Variants in ARL15 observed in about 807,000 individuals in gnomAD.
The protein encoded by ARL15 is ADP-ribosylation factor-like protein 15.
ARL15 carries 19 observed loss-of-function variants against 25.2 expected under a neutral mutation model. The ratio of observed to expected loss-of-function variants is 0.75; its 90% CI spans 0.53 to 1.10. The LOEUF (loss-of-function observed/expected upper bound fraction) is 1.10, where lower values mean the gene tolerates loss of function less well. Among genes scored for constraint, ARL15 ranks in the 50% least tolerant of loss-of-function variants. The pLI, the probability that ARL15 is intolerant of heterozygous loss-of-function variation, is 0.00. For missense variants in ARL15, 220 were observed against 246.0 expected (o/e 0.89, Z 0.71); for synonymous variants, 94 against 86.8 (o/e 1.08, Z -0.46).
intron 1 of ARL15, among the ~76,000 whole-genome samples, chr5:54,183,823 C>A (rs960738103): frequency 7.3e-5 from 11 of 151,312 alleles, no homozygotes; most frequent in Non-Finnish European, 1.6e-4. Context: ...CGGCATTATT[C>A]ACAATAGCAA....
chr5:54,197,831 G>A (rs1755595870), intron 1 of ARL15, among the ~76,000 whole-genome samples: 1 of 151,932 alleles, frequency 6.6e-6, no homozygotes, highest in African/African-American at 2.4e-5. Flanking sequence ...AAGCTGGGCA[G>A]AGACACAACA....
intron 4 of ARL15, among the ~76,000 whole-genome samples, chr5:54,010,423 A>C (rs1749196416): frequency 6.6e-6 from 1 of 152,210 alleles, no homozygotes; most frequent in South Asian, 2.1e-4. Context: ...TTTCCACTGG[A>C]ATTATCTAGA....
At chr5:54,141,709 T>C (rs927478418) in intron 3 of ARL15, among the ~76,000 whole-genome samples, 3 of 152,132 alleles carry the variant, frequency 2.0e-5, no homozygotes, top group Non-Finnish European at 2.9e-5. Context: ...CTTATTGCCA[T>C]ATTTTCCTTC....
chr5:53,928,806 C>T (rs1746112200), intron 4 of ARL15, among the ~76,000 whole-genome samples: 1 of 152,196 alleles, frequency 6.6e-6, no homozygotes, highest in Admixed American at 6.5e-5. Flanking sequence ...TTTTCTCTCA[C>T]TTCCAGGTGT....
intron 2 of ARL15, among the ~76,000 whole-genome samples, chr5:54,166,819 T>C (rs1004419038): frequency 6.6e-6 from 1 of 152,232 alleles, no homozygotes; most frequent in Non-Finnish European, 1.5e-5. Context: ...TCGATGATTA[T>C]TCTCATTATG....
intron 2 of ARL15, among the ~76,000 whole-genome samples, chr5:54,163,803 T>C (rs540689030): frequency 1.3e-5 from 2 of 152,130 alleles, no homozygotes; most frequent in East Asian, 1.9e-4. Flanking sequence ...TTTTTTCTGA[T>C]CAGTTTGGCT....
chr5:54,122,004 G>C (rs1753092889), intron 3 of ARL15, among the ~76,000 whole-genome samples: 1 of 152,148 alleles, frequency 6.6e-6, no homozygotes, highest in South Asian at 2.1e-4. Flanking sequence ...ACTAACTCAA[G>C]TTAGCTCAGT....
chr5:54,034,207 G>A lies in ARL15; in HGVS notation c.462+78995C>T, dbSNP rs149006574. Among the ~76,000 whole-genome samples, 43 of 152,242 alleles carry A rather than the reference G, an allele frequency of 2.8e-4. No individual in the cohort carries two copies. In the East Asian group the frequency reaches 6.9e-3, roughly 25 times the overall value. Reference sequence around the variant, plus strand: ...CTAGTGTTTGCTTAAGCATTAAGACGTTCCCATTGTTTTCACTAAAATTGA... The same window carrying A: ...CTAGTGTTTGCTTAAGCATTAAGACATTCCCATTGTTTTCACTAAAATTGA... On this transcript the variant is annotated intron_variant, in intron 4 of 4. Coordinates refer to ENST00000504924, the MANE Select transcript of ARL15 (RefSeq NM_019087.3).
intron 4 of ARL15, among the ~76,000 whole-genome samples, chr5:53,968,585 C>T (rs1232749370): frequency 2.6e-5 from 4 of 152,094 alleles, no homozygotes; most frequent in African/African-American, 9.7e-5. Context: ...CTGCTGTGTC[C>T]TACTCAATTA....
At chr5:53,954,711 ACGGT>A (rs1280833495) in intron 4 of ARL15, among the ~76,000 whole-genome samples, 2 of 152,182 alleles carry the variant, frequency 1.3e-5, no homozygotes, top group African/African-American at 4.8e-5. Context: ...AATACTCAAA[ACGGT>A]CAGTAAAATT....
chr5:54,149,725 G>T (rs1056399172), intron 3 of ARL15, among the ~76,000 whole-genome samples: 1 of 152,110 alleles, frequency 6.6e-6, no homozygotes, highest in African/African-American at 2.4e-5. Context: ...TAGAAGGAAG[G>T]AAAATTCTTT....
intron 1 of ARL15, among the ~76,000 whole-genome samples, chr5:54,237,563 C>G (rs1011643572): frequency 2.0e-5 from 3 of 148,902 alleles, no homozygotes; most frequent in African/African-American, 7.7e-5. Flanking sequence ...AAAGCAGTAG[C>G]ATTTTATGTA....
At chr5:54,141,220 A>T (rs908131603) in intron 3 of ARL15, among the ~76,000 whole-genome samples, 7 of 152,146 alleles carry the variant, frequency 4.6e-5, no homozygotes, top group African/African-American at 1.4e-4. Context: ...CTGAGATTTT[A>T]AAAGTCTACA....
intron 1 of ARL15, among the ~76,000 whole-genome samples, chr5:54,203,377 G>A (rs757829573): frequency 5.3e-5 from 8 of 151,960 alleles, no homozygotes; most frequent in South Asian, 2.1e-4. Context: ...CAAGAATATC[G>A]ACTTTTTTAA....
intron 1 of ARL15, among the ~76,000 whole-genome samples, chr5:54,283,291 G>A (rs35928): frequency 0.28 from 42,197 of 152,052 alleles, 7,077 homozygotes; most frequent in African/African-American, 0.48. Flanking sequence ...ACTGAATTCT[G>A]TATGATTGAA....
chr5:54,220,143 T>C (rs1205944202), intron 1 of ARL15, among the ~76,000 whole-genome samples: 4 of 152,186 alleles, frequency 2.6e-5, no homozygotes, highest in Non-Finnish European at 5.9e-5. Context: ...ACAATTACAA[T>C]GCCTAGTTAT....
chr5:53,968,402 A>G (rs980203491), intron 4 of ARL15, among the ~76,000 whole-genome samples: 3 of 152,198 alleles, frequency 2.0e-5, no homozygotes, highest in Non-Finnish European at 4.4e-5. Context: ...CAAAAAACCC[A>G]AACAAACCCT....
intron 1 of ARL15, chr5:54,282,471 C>T (rs1341690504): frequency 1.9e-5 from 19 of 985,266 alleles, no homozygotes; most frequent in South Asian, 9.4e-5. Flanking sequence ...GAATTTCTTC[C>T]GTCTGTTTTC....
At chr5:53,991,363 G>A (rs1748485604) in intron 4 of ARL15, among the ~76,000 whole-genome samples, 1 of 151,948 alleles carries the variant, frequency 6.6e-6, no homozygotes, top group Admixed American at 6.6e-5. Flanking sequence ...CCAATATGAT[G>A]AAACTCCATC....
Sources: allele counts gnomAD v4.1 joint callset (sites outside exome capture counted in the v4.1 genomes callset), GRCh38; gene constraint gnomAD v4.1.1; transcripts MANE v1.5; gene names NCBI Gene and HGNC (gene_info 2026-07-23, HGNC 2026-07-21).